Variants in KLHL32 observed in about 807,000 individuals in gnomAD.
KLHL32 encodes kelch like family member 32.
A neutral mutation model predicts 64.8 loss-of-function variants in KLHL32; 35 were observed. The ratio of observed to expected loss-of-function variants is 0.54; its 90% confidence interval spans 0.41 to 0.72. KLHL32 has a LOEUF of 0.72. Ranked by LOEUF, KLHL32 falls within the 30% of genes least tolerant of loss-of-function variation. The pLI is 0.00. For synonymous variants in KLHL32, 259 were observed against 281.0 expected (o/e 0.92, Z 0.78); for missense variants, 589 against 768.5 (o/e 0.77, Z 2.76).
In KLHL32 at chr6:97,115,966, C is replaced by G. The variant is rs150988830; in HGVS notation, c.1354+1457C>G. On this transcript the variant is annotated intron_variant, in intron 7 of 10. Transcript: ENST00000369261. ...TGCTCTGACAAAATTCTCCCTTGCA[C>G]TTCTTTAAATTCATTTGGACTTTGA... 2.9e-4 allele frequency among the ~76,000 whole-genome samples: 43 copies of G among 146,374 alleles called. No homozygotes were observed. The East Asian group carries it at 7.2e-3, about 25-fold the overall frequency.
chr6:97,088,804 G>T (rs1020894228), intron 6 of KLHL32, among the ~76,000 whole-genome samples: 2 of 152,222 alleles, frequency 1.3e-5, no homozygotes, highest in South Asian at 4.1e-4. Flanking sequence ...ACACATAGAA[G>T]TAATTCTGTA....
chr6:97,138,406 G>A (rs138081952), intron 10 of KLHL32, among the ~76,000 whole-genome samples: 71 of 152,260 alleles, frequency 4.7e-4, no homozygotes, highest in African/African-American at 1.6e-3. Context: ...AGGCGTGGTG[G>A]TGTGCACCTG....
chr6:97,041,089 A>C (rs991449001), intron 3 of KLHL32, among the ~76,000 whole-genome samples: 2 of 152,190 alleles, frequency 1.3e-5, no homozygotes, highest in African/African-American at 4.8e-5. Flanking sequence ...CATTGGACTG[A>C]GGCAGAAAAA....
intron 10 of KLHL32, among the ~76,000 whole-genome samples, chr6:97,136,962 T>C (rs1231573601): frequency 6.6e-6 from 1 of 152,232 alleles, no homozygotes; most frequent in African/African-American, 2.4e-5. Context: ...TGAGCTCAAA[T>C]ACTGGCTCCA....
At chr6:97,138,739 TTTC>T (rs756416925) in intron 10 of KLHL32, among the ~76,000 whole-genome samples, 9 of 152,324 alleles carry the variant, frequency 5.9e-5, no homozygotes, top group Non-Finnish European at 1.3e-4. Context: ...AAGGTCTTGT[TTTC>T]TTCATTTCAC....
rs1789462594 is a variant in KLHL32, at chr6:97,064,811, T to A, written c.411+85T>A. On this transcript the variant is annotated intron_variant, in intron 5 of 10. Coordinates refer to ENST00000369261, the MANE Select transcript of KLHL32 (RefSeq NM_052904.4). The stretch of plus-strand genomic sequence containing the variant: ...CTGGCCCCCAACAACTGGAGCTGAA[T>A]GACAGGTAAAGTGGGGGTGGGGTGT... 2.7e-6 allele frequency: 3 copies of A among 1,127,188 alleles called. No homozygotes were observed. In the African/African-American group the frequency reaches 4.6e-5, roughly 17 times the overall value. The allele number at this position is 1,127,188 out of a possible 1,614,324, so 69.8% of individuals were successfully genotyped here. A position where few individuals can be genotyped will look rare whatever the true frequency, so the allele number is the denominator to read the frequency against.
chr6:97,036,910 C>T (rs1784379760), intron 3 of KLHL32, among the ~76,000 whole-genome samples: 1 of 152,212 alleles, frequency 6.6e-6, no homozygotes, highest in Non-Finnish European at 1.5e-5. Flanking sequence ...AATCCTCCTG[C>T]TCTTTTCCCC....
upstream of KLHL32, among the ~76,000 whole-genome samples, chr6:96,921,202 G>A (rs9384761): frequency 0.19 from 29,552 of 151,996 alleles, 3,213 homozygotes; most frequent in Non-Finnish European, 0.25. Context: ...TACAGTTAGG[G>A]GCTATTTTCT....
rs150946068 is a variant in KLHL32, at chr6:97,030,753, A to T, written c.205-10739A>T. On this transcript the variant is annotated intron_variant, in intron 3 of 10. Transcript: ENST00000369261. ...TTCTCAAATGTTTAGCTTACAGTAG[A>T]TGCTCTTTCTCTTTAGTTACGATTT... 4.4e-4 allele frequency among the ~76,000 whole-genome samples: 67 copies of T among 152,306 alleles called. No individual in the cohort carries two copies. In the East Asian group the frequency reaches 0.012, roughly 26 times the overall value.
At chr6:97,111,427 C>T (rs569851900) in intron 6 of KLHL32, among the ~76,000 whole-genome samples, 66 of 152,332 alleles carry the variant, frequency 4.3e-4, no homozygotes, top group Middle Eastern at 6.8e-3. Flanking sequence ...GCTAGCCAGC[C>T]GCTTCAGTGC....
chr6:96,938,203 G>A (rs1158997213), intron 1 of KLHL32, among the ~76,000 whole-genome samples: 1 of 152,172 alleles, frequency 6.6e-6, no homozygotes, highest in African/African-American at 2.4e-5. Flanking sequence ...CAAATTTGCT[G>A]TATATTTACC....
At chr6:96,950,918 T>G (rs1278667363) in intron 1 of KLHL32, among the ~76,000 whole-genome samples, 5 of 152,152 alleles carry the variant, frequency 3.3e-5, no homozygotes, top group Admixed American at 2.0e-4. Flanking sequence ...AATGCAATTT[T>G]GGGGGTAGAC....
intron 6 of KLHL32, among the ~76,000 whole-genome samples, chr6:97,105,231 A>G (rs1583041568): frequency 6.6e-6 from 1 of 152,296 alleles, no homozygotes; most frequent in East Asian, 1.9e-4. Context: ...TGAGAACACA[A>G]ATTAGAAGAT....
At chr6:97,062,138 A>C (rs987397335) in intron 4 of KLHL32, among the ~76,000 whole-genome samples, 3 of 152,232 alleles carry the variant, frequency 2.0e-5, no homozygotes, top group Non-Finnish European at 4.4e-5. Flanking sequence ...AGGCTTCTGG[A>C]AGTCAGCCTG....
chr6:96,955,009 C>G (rs940037781), intron 1 of KLHL32, among the ~76,000 whole-genome samples: 1 of 152,200 alleles, frequency 6.6e-6, no homozygotes, highest in Non-Finnish European at 1.5e-5. Context: ...TGGGGAAGAC[C>G]TGCTTCCTAG....
chr6:97,102,264 C>T (rs114005843), intron 6 of KLHL32, among the ~76,000 whole-genome samples: 301 of 152,274 alleles, frequency 2.0e-3, no homozygotes, highest in African/African-American at 7.0e-3. Context: ...ATTTCCCTGG[C>T]CATTTCAGCT....
At chr6:96,907,966 C>T in the KLHL32 span, among the ~76,000 whole-genome samples, 2 of 152,166 alleles carry the variant, frequency 1.3e-5, no homozygotes, top group East Asian at 1.9e-4. Context: ...ACCAAAGATA[C>T]ATGGACTCAT....
At chr6:97,066,480 G>C (rs890146897) in intron 5 of KLHL32, among the ~76,000 whole-genome samples, 4 of 152,232 alleles carry the variant, frequency 2.6e-5, no homozygotes, top group Admixed American at 6.5e-5. Flanking sequence ...TGAGGTAAAA[G>C]TGTAGCATGC....
At chr6:97,053,410 C>T (rs2128138589) in intron 4 of KLHL32, among the ~76,000 whole-genome samples, 1 of 152,228 alleles carries the variant, frequency 6.6e-6, no homozygotes, top group East Asian at 1.9e-4. Flanking sequence ...ACACATTTCC[C>T]AAATTTTTTT....
Sources: allele counts gnomAD v4.1 joint callset (sites outside exome capture counted in the v4.1 genomes callset), GRCh38; gene constraint gnomAD v4.1.1; transcripts MANE v1.5; gene names NCBI Gene and HGNC (gene_info 2026-07-23, HGNC 2026-07-21).